Variants in PPARG observed in about 807,000 individuals in gnomAD.
The protein encoded by PPARG is peroxisome proliferator-activated receptor gamma.
A neutral mutation model predicts 39.2 loss-of-function variants in PPARG; 17 were observed. The observed-to-expected ratio is 0.43, with a 90% confidence interval of 0.30 to 0.65. The LOEUF is 0.65. Ranked by LOEUF, PPARG falls within the 30% of genes least tolerant of loss-of-function variation. PPARG has a pLI of 0.13. For missense variants in PPARG, 406 were observed against 585.9 expected, an observed-to-expected ratio of 0.69 and a Z score of 3.17; for synonymous variants, 223 against 215.7, an observed-to-expected ratio of 1.03 and a Z score of -0.30.
chr3:12,300,204 G>C (rs1412807099), intron 1 of PPARG, among the ~76,000 whole-genome samples: 1 of 142,648 alleles, frequency 7.0e-6, no homozygotes, highest in Non-Finnish European at 1.6e-5. Context: ...AATTTCACCA[G>C]AGTTAATTTG....
chr3:12,374,680 G>C (rs936562789), intron 2 of PPARG, among the ~76,000 whole-genome samples: 3 of 152,072 alleles, frequency 2.0e-5, no homozygotes, highest in Non-Finnish European at 4.4e-5. Context: ...ACTTTAGGTG[G>C]TAATAATGTG....
chr3:12,325,008 C>T lies in PPARG; in HGVS notation c.-9+12555C>T, dbSNP rs552590184. On this transcript the variant is annotated intron_variant, in intron 2 of 7. Transcript: ENST00000651735. ...GCCACCAATAAAGAGGCTTTGTGAGCGAGCGTGGTGGCTCAAGCCTGTAAT... is the reference window on the plus strand; with the variant it reads ...GCCACCAATAAAGAGGCTTTGTGAGTGAGCGTGGTGGCTCAAGCCTGTAAT... 2.7e-5 allele frequency among the ~76,000 whole-genome samples: 4 copies of T among 148,950 alleles called. No homozygotes were observed. The East Asian group carries it at 5.8e-4, about 22-fold the overall frequency.
At chr3:12,323,750 T>C (rs1369722418) in intron 2 of PPARG, among the ~76,000 whole-genome samples, 1 of 150,068 alleles carries the variant, frequency 6.7e-6, no homozygotes, top group Non-Finnish European at 1.5e-5. Context: ...TAATGAAAGG[T>C]CAAGAAGAAT....
chr3:12,398,981 A>C (rs555349662), intron 5 of PPARG, among the ~76,000 whole-genome samples: 1 of 152,358 alleles, frequency 6.6e-6, no homozygotes, highest in East Asian at 1.9e-4. Context: ...TAGTAGAGTC[A>C]GAACCTTCAA....
intron 4 of PPARG, among the ~76,000 whole-genome samples, chr3:12,382,426 A>G (rs536415092): frequency 6.6e-6 from 1 of 152,212 alleles, no homozygotes; most frequent in Non-Finnish European, 1.5e-5. Flanking sequence ...TTATATACGC[A>G]TTGCACAGAA....
chr3:12,319,149 CAT>C (rs2047470504), intron 2 of PPARG, among the ~76,000 whole-genome samples: 1 of 152,190 alleles, frequency 6.6e-6, no homozygotes, highest in Non-Finnish European at 1.5e-5. Flanking sequence ...CCAAGGAATA[CAT>C]AGTGTGCTCT....
intron 2 of PPARG, among the ~76,000 whole-genome samples, chr3:12,345,492 G>A (rs1003159932): frequency 1.3e-5 from 2 of 152,134 alleles, no homozygotes; most frequent in African/African-American, 2.4e-5. Context: ...TGATTTGAAC[G>A]TCTTACTGCA....
upstream of PPARG, among the ~76,000 whole-genome samples, chr3:12,288,642 G>A (rs1205705246): frequency 6.6e-6 from 1 of 152,126 alleles, no homozygotes; most frequent in Non-Finnish European, 1.5e-5. Context: ...GGCGACCGCC[G>A]CTTGGGGACC....
In PPARG at chr3:12,407,515, C is replaced by T. The variant is rs554104478; in HGVS notation, c.729+1434C>T. On this transcript the variant is annotated intron_variant, in intron 6 of 7. Coordinates refer to ENST00000651735, the MANE Select transcript of PPARG (RefSeq NM_138711.6). ...GGCTTTGATTCTGATGTCTGCACAA[C>T]GCTCCCAGGGCTGTAAGAACTGCAG... Among the ~76,000 whole-genome samples the T allele has an allele frequency of 1.1e-4, 16 of 152,228 alleles. No individual in the cohort carries two copies. In the East Asian group the frequency reaches 1.4e-3, roughly 13 times the overall value.
intron 6 of PPARG, chr3:12,406,344 A>C: frequency 2.2e-6 from 1 of 461,110 alleles, no homozygotes. Context: ...ACTTTAATGA[A>C]TGAACTTAAG....
intron 2 of PPARG, among the ~76,000 whole-genome samples, chr3:12,348,685 A>T (rs1236022648): frequency 6.6e-6 from 1 of 152,192 alleles, no homozygotes; most frequent in Non-Finnish European, 1.5e-5. Flanking sequence ...CATAGTGCAT[A>T]AGGAAAGTGG....
intron 6 of PPARG, among the ~76,000 whole-genome samples, chr3:12,415,640 G>C (rs1271380677): frequency 6.6e-6 from 1 of 152,136 alleles, no homozygotes; most frequent in Non-Finnish European, 1.5e-5. Context: ...TTTATTGATT[G>C]TTTGACCTAT....
chr3:12,314,442 C>G (rs546543949), intron 2 of PPARG, among the ~76,000 whole-genome samples: 28 of 152,290 alleles, frequency 1.8e-4, no homozygotes, highest in South Asian at 8.3e-4. Flanking sequence ...ACCACATGAT[C>G]AAGGTCAATA....
At chr3:12,362,824 G>T (rs9812662) in intron 2 of PPARG, among the ~76,000 whole-genome samples, 4,421 of 151,932 alleles carry the variant, frequency 0.029, 201 homozygotes, top group African/African-American at 0.1. Flanking sequence ...GTTTTTTATA[G>T]ATTTTCTTTA....
chr3:12,365,510 A>T lies in PPARG; in HGVS notation c.-8-14194A>T, dbSNP rs143857908. ...TCTTCAGGGAGTTTTATAGTTTTGTACTTTACATTTAGATCTATGTTCCAT... is the reference window on the plus strand; with the variant it reads ...TCTTCAGGGAGTTTTATAGTTTTGTTCTTTACATTTAGATCTATGTTCCAT... On this transcript the variant is annotated intron_variant, in intron 2 of 7. Transcript: ENST00000651735. Among the ~76,000 whole-genome samples, 1,287 of 152,070 alleles carry T rather than the reference A, an allele frequency of 8.5e-3. 13 individuals carry two copies. The highest frequency in any genetic ancestry group is 0.029 in the African/African-American group (1,194 of 41,498).
At chr3:12,309,584 C>T (rs1452765307) in intron 1 of PPARG, among the ~76,000 whole-genome samples, 1 of 152,182 alleles carries the variant, frequency 6.6e-6, no homozygotes, top group Admixed American at 6.5e-5. Context: ...TACTGAGAAA[C>T]AGCTTATGTA....
intron 2 of PPARG, among the ~76,000 whole-genome samples, chr3:12,359,973 G>A (rs965865421): frequency 4.6e-5 from 7 of 151,764 alleles, no homozygotes; most frequent in African/African-American, 1.7e-4. Flanking sequence ...TGCCCAGCCT[G>A]CTTCACTCTT....
chr3:12,425,260 A>G (rs1468713706), intron 7 of PPARG, among the ~76,000 whole-genome samples: 2 of 152,208 alleles, frequency 1.3e-5, no homozygotes, highest in Non-Finnish European at 2.9e-5. Flanking sequence ...AGGAATTCCC[A>G]TGAACTTCTT....
chr3:12,351,588 C>G (rs772080186), intron 2 of PPARG: 8 of 1,595,664 alleles, frequency 5.0e-6, no homozygotes, highest in Middle Eastern at 1.7e-4. Context: ...CTATTCCATG[C>G]TGTTATGGGT....
Sources: allele counts gnomAD v4.1 joint callset (sites outside exome capture counted in the v4.1 genomes callset), GRCh38; gene constraint gnomAD v4.1.1; transcripts MANE v1.5; gene names NCBI Gene and HGNC (gene_info 2026-07-23, HGNC 2026-07-21).